The following ARHGEF18 variants were observed in gnomAD, a reference collection of about 807,000 sequenced individuals.
The protein encoded by ARHGEF18 is Rho/Rac guanine nucleotide exchange factor 18, also known as rho guanine nucleotide exchange factor 18.
Under a neutral mutation model 155.7 loss-of-function variants are expected in ARHGEF18, and 93 were observed. That is an observed-to-expected ratio of 0.60 (90% CI 0.50 to 0.71). The LOEUF (loss-of-function observed/expected upper bound fraction) is 0.71. Ranked by LOEUF, ARHGEF18 falls within the 30% of genes least tolerant of loss-of-function variation. ARHGEF18 has a pLI of 0.00. For synonymous variants in ARHGEF18, 742 were observed against 753.1 expected (o/e 0.99, Z 0.24); for missense variants, 1,593 against 1,816.1 (o/e 0.88, Z 2.23).
chr19:7,447,049 G>A lies in ARHGEF18; in HGVS notation c.1618G>A (p.Gly540Ser). 6.2e-7 allele frequency: 1 copy of A among 1,612,694 alleles called. No individual in the cohort carries two copies. Among genetic ancestry groups the A allele is most frequent in the Non-Finnish European group, 8.5e-7 (1 of 1,179,666 alleles). The change falls in exon 15 of 29, where the codon GGT becomes AGT. Residue 540 changes from glycine (G) to serine (S), a missense_variant. Transcript: ENST00000668164. ...CCATCCTTTTGTTTATCAGTTTTCA[G>A]GTGAAAATGGGGAGAGAATGAAAGA... ...IGDLLVQQFS[G>S]ENGERMKEKY...
At chr19:7,350,158 C>T (rs150521844) in intron 1 of ARHGEF18, among the ~76,000 whole-genome samples, 205 of 152,238 alleles carry the variant, frequency 1.3e-3, no homozygotes, top group African/African-American at 4.8e-3. Flanking sequence ...AGGAAGGCTG[C>T]GGTTTCTGCT....
chr19:7,457,353 CTTTTTTTTTTTTTTTTT>C (rs1159186670), intron 18 of ARHGEF18, among the ~76,000 whole-genome samples: 4 of 60,216 alleles, frequency 6.6e-5, no homozygotes, highest in East Asian at 6.1e-4. Flanking sequence ...AATCACCTCT[CTTTTTTTTTTTTTTTTT>C]TTTTTTTTTT....
chr19:7,467,251 AGCGG>A lies in ARHGEF18; in HGVS notation c.3050_3053del (p.Arg1017LeufsTer163), dbSNP rs1393721130. ...CACCAGGACAGCTATGTGGAGACGC[AGCGG>A]GCTGCCATCCAGGAGCGGGAGAAGC... On this transcript the variant is annotated frameshift_variant, in exon 26 of 29. Transcript: ENST00000668164. LOFTEE classifies it high-confidence loss of function. 1.5e-5 allele frequency: 23 copies of A among 1,574,704 alleles called. No homozygotes were observed. Among genetic ancestry groups the A allele is most frequent in the Non-Finnish European group, 2.0e-5 (23 of 1,161,430 alleles).
At chr19:7,479,703 G>A in the ARHGEF18 span, among the ~76,000 whole-genome samples, 1 of 152,012 alleles carries the variant, frequency 6.6e-6, no homozygotes, top group Admixed American at 6.6e-5. Flanking sequence ...GGGGCACACA[G>A]GACTTCGATG....
At chr19:7,405,248 C>T (rs374199009) in intron 10 of ARHGEF18, among the ~76,000 whole-genome samples, 3 of 152,202 alleles carry the variant, frequency 2.0e-5, no homozygotes, top group East Asian at 1.9e-4. Context: ...CGTGAGCCAC[C>T]GCGCCCAGCG....
In ARHGEF18 at chr19:7,362,198, AG is replaced by A. The variant is rs1969644453; in HGVS notation, c.-110-582del. Among the ~76,000 whole-genome samples, 2 of 127,402 alleles carry A rather than the reference AG, an allele frequency of 1.6e-5. 1 individual carries two copies. Among genetic ancestry groups the A allele is most frequent in the Non-Finnish European group, 3.1e-5 (2 of 64,984 alleles). 83.6% of individuals were successfully genotyped at this position (127,402 alleles called of 152,430 possible). A position where few individuals can be genotyped will look rare whatever the true frequency, so the allele number is the denominator to read the frequency against. ...AAGGAGAAGAAGGAGAAGAAGGAGA[AG>A]AAGAAGGAGAAAAGAAGAGGAAGAA... On this transcript the variant is annotated intron_variant, in intron 1 of 28. Transcript: ENST00000668164.
intron 10 of ARHGEF18, among the ~76,000 whole-genome samples, chr19:7,432,442 G>A (rs916317300): frequency 2.0e-5 from 3 of 152,172 alleles, no homozygotes; most frequent in Non-Finnish European, 2.9e-5. Context: ...CCTTGAAACC[G>A]AGGTGCTTGT....
chr19:7,452,445 G>A (rs528641433), intron 16 of ARHGEF18, among the ~76,000 whole-genome samples: 2 of 152,142 alleles, frequency 1.3e-5, no homozygotes, highest in East Asian at 1.9e-4. Context: ...AGGAGGTGGA[G>A]GGAATCTAAT....
rs1017425722 is a variant in ARHGEF18, at chr19:7,439,810, C to G, written c.968-534C>G. 24 of 1,435,768 alleles carry G rather than the reference C, an allele frequency of 1.7e-5. No homozygotes were observed. In the African/African-American group the frequency reaches 3.2e-4, roughly 19 times the overall value. The allele number at this position is 1,435,768 out of a possible 1,614,324, so 88.9% of individuals were successfully genotyped here. A position where few individuals can be genotyped will look rare whatever the true frequency, so the allele number is the denominator to read the frequency against. On this transcript the variant is annotated intron_variant, in intron 10 of 28. Coordinates refer to ENST00000668164, the MANE Select transcript of ARHGEF18 (RefSeq NM_001367823.1). ...AGGCTCACCGTTTCATGATCTTAGA[C>G]TATTTACAGCAAACTCAAACAGCTC...
At chr19:7,437,678 T>G (rs563784412) in intron 10 of ARHGEF18, among the ~76,000 whole-genome samples, 3 of 150,644 alleles carry the variant, frequency 2.0e-5, no homozygotes, top group Non-Finnish European at 4.4e-5. Flanking sequence ...GAGTCTCACT[T>G]TGTTGTTCAG....
chr19:7,435,860 G>C (rs1222946842), intron 10 of ARHGEF18, among the ~76,000 whole-genome samples: 1 of 152,072 alleles, frequency 6.6e-6, no homozygotes, highest in East Asian at 1.9e-4. Context: ...CTTTTTCAGA[G>C]TCTTGCTCTG....
chr19:7,378,325 C>A, intron 5 of ARHGEF18, 69 bp from the exon 6 acceptor site: 1 of 1,186,500 alleles, frequency 8.4e-7, no homozygotes, highest in African/African-American at 1.6e-5. Flanking sequence ...TCCGGGAGGG[C>A]TCTGCTGGGC....
At chr19:7,403,529 TTTTCTTTC>T (rs374336604) in intron 10 of ARHGEF18, among the ~76,000 whole-genome samples, 145 of 148,226 alleles carry the variant, frequency 9.8e-4, no homozygotes, top group South Asian at 2.5e-3. Context: ...AAACTTAGCT[TTTTCTTTC>T]TTTCTTTCTT....
chr19:7,359,844 T>A (rs1486111395), intron 1 of ARHGEF18, among the ~76,000 whole-genome samples: 1 of 151,786 alleles, frequency 6.6e-6, no homozygotes, highest in Non-Finnish European at 1.5e-5. Flanking sequence ...TGTTCCTCGG[T>A]CAGAAGCTTC....
chr19:7,400,797 T>C (rs1440351524), intron 10 of ARHGEF18, among the ~76,000 whole-genome samples: 1 of 152,138 alleles, frequency 6.6e-6, no homozygotes, highest in Non-Finnish European at 1.5e-5. Flanking sequence ...ATTACACCAC[T>C]GCACTCTAGC....
At chr19:7,435,355 G>A (rs776665909) in intron 10 of ARHGEF18, among the ~76,000 whole-genome samples, 13 of 152,140 alleles carry the variant, frequency 8.5e-5, no homozygotes, top group Non-Finnish European at 1.6e-4. Flanking sequence ...GAAGGAAGAA[G>A]TTTATATTCA....
At position 7,463,555 on chromosome 19, in the gene ARHGEF18, G is replaced by A. The variant is rs983872991; in HGVS notation, c.2636-263G>A. Among the ~76,000 whole-genome samples, 10 of 152,326 alleles carry A rather than the reference G, an allele frequency of 6.6e-5. No individual in the cohort carries two copies. The highest frequency in any genetic ancestry group is 5.2e-4 in the Admixed American group (8 of 15,308). On this transcript the variant is annotated intron_variant, in intron 21 of 28. Coordinates refer to ENST00000668164, the MANE Select transcript of ARHGEF18 (RefSeq NM_001367823.1). This position sits in a 1 kb window ranked among gnomAD's most constrained non-coding sequence, Gnocchi z 5.2. The stretch of plus-strand genomic sequence containing the variant: ...CGGCCTGGTGGAAGGAGCTGCAGGA[G>A]CCTGTACCCGCCCTCCCCATGGCTG...
intron 10 of ARHGEF18, among the ~76,000 whole-genome samples, chr19:7,417,774 T>C (rs1973105478): frequency 6.6e-6 from 1 of 151,750 alleles, no homozygotes; most frequent in Admixed American, 6.6e-5. Context: ...GATGGTGACA[T>C]GTTTGGAGGA....
chr19:7,455,143 A>G (rs1975746495), intron 17 of ARHGEF18, among the ~76,000 whole-genome samples: 1 of 151,982 alleles, frequency 6.6e-6, no homozygotes, highest in Non-Finnish European at 1.5e-5. Context: ...GCACTTGCCC[A>G]CTCATCATTT....
Sources: allele counts gnomAD v4.1 joint callset (sites outside exome capture counted in the v4.1 genomes callset), GRCh38; gene constraint gnomAD v4.1.1; non-coding constraint Gnocchi (gnomAD v3.1); transcripts MANE v1.5; gene names NCBI Gene and HGNC (gene_info 2026-07-23, HGNC 2026-07-21).